The following TPD52L1 variants were observed in gnomAD, a reference collection of about 807,000 sequenced individuals.
The protein encoded by TPD52L1 is tumor protein D53.
Under a neutral mutation model 28.7 loss-of-function variants are expected in TPD52L1, and 18 were observed. That is an observed-to-expected ratio of 0.63 (90% CI 0.43 to 0.93). The LOEUF is 0.93. TPD52L1 is among the 40% of genes least tolerant of loss of function. The pLI, the probability that TPD52L1 is intolerant of heterozygous loss-of-function variation, is 0.00. For synonymous variants in TPD52L1, 75 were observed against 88.8 expected (o/e 0.84, Z 0.88); for missense variants, 203 against 254.8 (o/e 0.80, Z 1.39).
intron 1 of TPD52L1, among the ~76,000 whole-genome samples, chr6:125,213,582 CT>C (rs1562296712): frequency 6.6e-6 from 1 of 152,106 alleles, no homozygotes; most frequent in African/African-American, 2.4e-5. Flanking sequence ...ACCCCAGCCC[CT>C]GATGCAGGAG....
At chr6:125,175,973 A>G (rs548981471) in intron 1 of TPD52L1, among the ~76,000 whole-genome samples, 6 of 152,152 alleles carry the variant, frequency 3.9e-5, no homozygotes, top group Non-Finnish European at 8.8e-5. Flanking sequence ...TGCTGTCTTG[A>G]TTTGGAGGTT....
At chr6:125,182,742 C>T (rs1792290540) in intron 1 of TPD52L1, among the ~76,000 whole-genome samples, 2 of 152,276 alleles carry the variant, frequency 1.3e-5, no homozygotes, top group East Asian at 1.9e-4. Flanking sequence ...CATACAGGAT[C>T]GATTCCATTT....
chr6:125,202,422 C>T (rs1793850797), intron 1 of TPD52L1, among the ~76,000 whole-genome samples: 1 of 152,146 alleles, frequency 6.6e-6, no homozygotes, highest in African/African-American at 2.4e-5. Context: ...AGGTCGTGTT[C>T]ACCTCACTCC....
chr6:125,222,318 T>C (rs1795294907), intron 2 of TPD52L1, among the ~76,000 whole-genome samples: 1 of 152,208 alleles, frequency 6.6e-6, no homozygotes, highest in Non-Finnish European at 1.5e-5. Flanking sequence ...AGATTCTTTA[T>C]GGGCCCCTGG....
intron 1 of TPD52L1, among the ~76,000 whole-genome samples, chr6:125,219,354 C>T (rs938181460): frequency 2.6e-5 from 4 of 152,160 alleles, no homozygotes; most frequent in African/African-American, 9.7e-5. Context: ...TCAAGAACCC[C>T]GGCTCTTCCC....
chr6:125,216,162 GT>G (rs1332833391), intron 1 of TPD52L1, among the ~76,000 whole-genome samples: 1 of 152,134 alleles, frequency 6.6e-6, no homozygotes, highest in African/African-American at 2.4e-5. Flanking sequence ...AAGTTACATT[GT>G]TTTACCAAGA....
chr6:125,191,151 T>C lies in TPD52L1; in HGVS notation c.20-28927T>C, dbSNP rs557300762. On this transcript the variant is annotated intron_variant, in intron 1 of 6. Coordinates refer to ENST00000534000, the MANE Select transcript of TPD52L1 (RefSeq NM_003287.4). The stretch of plus-strand genomic sequence containing the variant: ...TTCTCTCTTACATGGAATCATTCCT[T>C]GCTGATCTTGGGTTTTCTTTTCTTG... Among the ~76,000 whole-genome samples, 4 of 152,380 alleles carry C rather than the reference T, an allele frequency of 2.6e-5. No individual in the cohort carries two copies. The South Asian group carries it at 8.3e-4, about 32-fold the overall frequency.
intron 1 of TPD52L1, among the ~76,000 whole-genome samples, chr6:125,173,205 A>G (rs1019248485): frequency 6.6e-6 from 1 of 152,178 alleles, no homozygotes. Flanking sequence ...AGAAAAGTCC[A>G]ACTTCCTATA....
intron 1 of TPD52L1, among the ~76,000 whole-genome samples, chr6:125,165,789 A>T (rs970525870): frequency 1.1e-4 from 17 of 152,336 alleles, no homozygotes; most frequent in Non-Finnish European, 2.2e-4. Flanking sequence ...ATTCAAGATT[A>T]AAAAGATCCG....
intron 1 of TPD52L1, among the ~76,000 whole-genome samples, chr6:125,187,065 A>G (rs147597754): frequency 0.011 from 1,625 of 152,358 alleles, 15 homozygotes; most frequent in Admixed American, 0.019. Context: ...TGCATATACC[A>G]GTTAATAGAT....
intron 1 of TPD52L1, among the ~76,000 whole-genome samples, chr6:125,181,339 A>T (rs921183610): frequency 6.6e-6 from 1 of 152,180 alleles, no homozygotes; most frequent in Admixed American, 6.5e-5. Context: ...TGACCTCTCT[A>T]AGAGCACCAA....
At chr6:125,247,642 C>T (rs766410097) in intron 3 of TPD52L1, among the ~76,000 whole-genome samples, 4 of 152,142 alleles carry the variant, frequency 2.6e-5, no homozygotes, top group Non-Finnish European at 5.9e-5. Flanking sequence ...ACCAGGGACA[C>T]AAAGATGAAT....
chr6:125,229,235 A>C lies in TPD52L1; in HGVS notation c.253A>C (p.Lys85Gln), dbSNP rs1340798401. The part of the protein sequence containing the change: ...LMNELKQNFS[K>Q]SWHDMQTTTA... ...GAATGAATTAAAACAGAACTTCAGC[A>C]AAAGCTGGCATGACATGCAGACTAC... The change falls in exon 3 of 7, where the codon AAA becomes CAA. Residue 85 changes from lysine to glutamine, a missense_variant. Transcript: ENST00000534000. 6.2e-7 allele frequency: 1 copy of C among 1,613,504 alleles called. No homozygotes were observed. Among genetic ancestry groups the C allele is most frequent in the Admixed American group, 1.7e-5 (1 of 59,902 alleles).
At chr6:125,169,821 G>A (rs1436756058) in intron 1 of TPD52L1, among the ~76,000 whole-genome samples, 3 of 152,160 alleles carry the variant, frequency 2.0e-5, no homozygotes, top group Admixed American at 6.5e-5. Context: ...TTCCTTTGAA[G>A]TTCTCCGGTA....
At chr6:125,192,326 T>A (rs1258677873) in intron 1 of TPD52L1, among the ~76,000 whole-genome samples, 113 of 152,074 alleles carry the variant, frequency 7.4e-4, no homozygotes, top group African/African-American at 2.6e-3. Flanking sequence ...AAAATCTTTT[T>A]TTTTTTTTTA....
chr6:125,225,880 C>T (rs192332680), intron 2 of TPD52L1, among the ~76,000 whole-genome samples: 53 of 152,252 alleles, frequency 3.5e-4, no homozygotes, highest in Non-Finnish European at 1.2e-4. Context: ...CAGCAGATGC[C>T]TGGGAATCTG....
intron 1 of TPD52L1, among the ~76,000 whole-genome samples, chr6:125,170,315 G>T (rs758389254): frequency 1.8e-4 from 28 of 151,984 alleles, no homozygotes; most frequent in Non-Finnish European, 3.8e-4. Context: ...AATGCAGTCA[G>T]GTGTGTTACA....
In TPD52L1 at chr6:125,229,109, G is replaced by A. The variant is rs373178996; in HGVS notation, c.136-9G>A. The A allele has an allele frequency of 4.3e-5, 69 of 1,609,754 alleles. No individual in the cohort carries two copies. In the East Asian group the frequency reaches 1.2e-3, roughly 28 times the overall value. ...CATTTTCCCCCACCATTTCCCCTCC[G>A]CCTTGTAGCTAGAAGACGAAATTAC... On this transcript the variant is annotated splice_polypyrimidine_tract_variant and intron_variant, in intron 2 of 6. Coordinates refer to ENST00000534000, the MANE Select transcript of TPD52L1 (RefSeq NM_003287.4).
intron 1 of TPD52L1, among the ~76,000 whole-genome samples, chr6:125,187,927 GA>G (rs948051301): frequency 2.1e-5 from 3 of 143,814 alleles, no homozygotes; most frequent in Admixed American, 1.5e-4. Context: ...ACTAAACTGA[GA>G]TTTTTTTTTT....
Sources: allele counts gnomAD v4.1 joint callset (sites outside exome capture counted in the v4.1 genomes callset), GRCh38; gene constraint gnomAD v4.1.1; transcripts MANE v1.5; gene names NCBI Gene and HGNC (gene_info 2026-07-23, HGNC 2026-07-21).